Variants in MAPK8IP3 observed in about 807,000 individuals in gnomAD.
MAPK8IP3 encodes the protein C-Jun-amino-terminal kinase-interacting protein 3.
Under a neutral mutation model 157.8 loss-of-function variants are expected in MAPK8IP3, and 49 were observed. That is an observed-to-expected ratio of 0.31 (90% CI 0.25 to 0.39). The LOEUF is 0.39. Ranked by LOEUF, MAPK8IP3 falls within the 10% of genes least tolerant of loss-of-function variation. The pLI is 1.00. For missense variants in MAPK8IP3, 1,478 were observed against 1,889.4 expected (o/e 0.78, Z 4.04); for synonymous variants, 897 against 777.7 (o/e 1.15, Z -2.55).
chr16:1,767,409 GTACCACCTA>G, intron 26 of MAPK8IP3, 112 bp downstream of exon 26: 1 of 1,517,774 alleles, frequency 6.6e-7, no homozygotes, highest in Non-Finnish European at 9.0e-7. Context: ...CATCTCCCCT[GTACCACCTA>G]TGACTCAGGC....
At chr16:1,729,628 G>T (rs766040063) in intron 4 of MAPK8IP3, 50 bp downstream of exon 4, 2 of 1,520,124 alleles carry the variant, frequency 1.3e-6, no homozygotes, top group Non-Finnish European at 8.9e-7. Flanking sequence ...GCGGGGCGGA[G>T]GTACGCAGGA....
intron 6 of MAPK8IP3, 149 bp from the exon 7 acceptor site, chr16:1,748,095 C>T (rs1424525178): frequency 3.2e-6 from 2 of 630,556 alleles, no homozygotes; most frequent in African/African-American, 1.8e-5. Flanking sequence ...TCTGCCCAGT[C>T]AGCCTGGGAA....
chr16:1,746,943 G>A (rs1024275656), intron 5 of MAPK8IP3, 86 bp from the exon 6 acceptor site: 3 of 1,477,874 alleles, frequency 2.0e-6, no homozygotes, highest in African/African-American at 2.8e-5. Context: ...AAGCATTGGT[G>A]CGCGGGGCCT....
chr16:1,762,641 A>G, intron 14 of MAPK8IP3, 34 bp from the exon 15 acceptor site: 4 of 1,542,004 alleles, frequency 2.6e-6, no homozygotes, highest in Non-Finnish European at 3.5e-6. Flanking sequence ...GCGTGAGGGC[A>G]CTAGCAGGTT....
chr16:1,739,163 A>C (rs1258633428), intron 4 of MAPK8IP3, among the ~76,000 whole-genome samples: 1 of 77,144 alleles, frequency 1.3e-5, no homozygotes, highest in African/African-American at 4.7e-5. Flanking sequence ...CATCCGTGTG[A>C]GTGTGACCAT....
intron 5 of MAPK8IP3, 54 bp from the exon 6 acceptor site, chr16:1,746,959 AGCCACGGCGGAGCCGC>A (rs2041001739): frequency 6.5e-7 from 1 of 1,550,106 alleles, no homozygotes; most frequent in Non-Finnish European, 8.7e-7. Flanking sequence ...GGCCTCAGGC[AGCCACGGCGGAGCCGC>A]AGGCCAGGGA....
In MAPK8IP3 at chr16:1,761,248, C is replaced by T; in HGVS notation, c.1482C>T (p.Ala494=). The T allele has an allele frequency of 6.2e-7, 1 of 1,613,828 alleles. No individual in the cohort carries two copies. Among genetic ancestry groups the T allele is most frequent in the East Asian group, 2.2e-5 (1 of 44,882 alleles). ...GAGTGAAGTCCGAGGCCATCATCGC[C>T]CGCCGTGAACCCAAAGAAGAGGCGG... ...LKRVKSEAII[A]RREPKEEAED... is the part of the protein sequence containing the mutation. Residue 494 remains alanine (A), a synonymous_variant, in exon 13 of 32, where the codon GCC becomes GCT. Coordinates refer to ENST00000610761, the MANE Select transcript of MAPK8IP3 (RefSeq NM_001318852.2).
chr16:1,760,419 G>A lies in MAPK8IP3; in HGVS notation c.1344G>A (p.Lys448=). 6.2e-7 allele frequency: 1 copy of A among 1,613,854 alleles called. No homozygotes were observed. The highest frequency in any genetic ancestry group is 8.5e-7 in the Non-Finnish European group (1 of 1,179,838). The change falls in exon 12 of 32, where the codon AAG becomes AAA. Residue 448 remains lysine, a synonymous_variant. Transcript: ENST00000610761. ...LNVVKNDLIA[K]VDQLSGEQEV... is the part of the protein sequence containing the mutation. ...TGGTGAAGAATGACCTGATTGCCAA[G>A]GTCGACCAGCTGTCCGGGGAGCAGG...
At chr16:1,739,187 CGT>C (rs1450845234) in intron 4 of MAPK8IP3, among the ~76,000 whole-genome samples, 3 of 68,414 alleles carry the variant, frequency 4.4e-5, no homozygotes, top group Non-Finnish European at 8.2e-5. Context: ...TGTGAGCATC[CGT>C]GTGACCGTCC....
intron 4 of MAPK8IP3, among the ~76,000 whole-genome samples, chr16:1,731,242 T>A (rs1052870161): frequency 2.0e-5 from 3 of 152,130 alleles, no homozygotes; most frequent in African/African-American, 7.2e-5. Context: ...GGCAGGAGAA[T>A]CACCTGAACC....
chr16:1,755,538 T>A (rs1380359270), intron 8 of MAPK8IP3, among the ~76,000 whole-genome samples: 1 of 151,014 alleles, frequency 6.6e-6, no homozygotes, highest in Non-Finnish European at 1.5e-5. Context: ...AATAAGAACG[T>A]CAACAAAGGA....
chr16:1,734,286 A>G (rs1373444764), intron 4 of MAPK8IP3, among the ~76,000 whole-genome samples: 1 of 152,174 alleles, frequency 6.6e-6, no homozygotes, highest in Non-Finnish European at 1.5e-5. Flanking sequence ...GGGGCGACAG[A>G]GGGGCAGGGC....
chr16:1,769,204 G>A lies in MAPK8IP3; in HGVS notation c.*380G>A, dbSNP rs1406224500. On this transcript the variant is annotated 3_prime_UTR_variant, in exon 32 of 32. Transcript: ENST00000610761. ...CTGGAGGAGGCAGGGGCTCCCCGCCGCCGAGGCTGCCTGCCCTGGGCCCAC... is the reference window on the plus strand; with the variant it reads ...CTGGAGGAGGCAGGGGCTCCCCGCCACCGAGGCTGCCTGCCCTGGGCCCAC... 4.4e-5 allele frequency: 11 copies of A among 248,784 alleles called. No individual in the cohort carries two copies. In the East Asian group the frequency reaches 4.6e-4, roughly 10 times the overall value. 15.4% of individuals were successfully genotyped at this position (248,784 alleles called of 1,614,324 possible). A position where few individuals can be genotyped will look rare whatever the true frequency, so the allele number is the denominator to read the frequency against.
chr16:1,767,476 C>T (rs1053408732), intron 26 of MAPK8IP3, 88 bp from the exon 27 acceptor site: 48 of 1,525,714 alleles, frequency 3.1e-5, no homozygotes, highest in Non-Finnish European at 3.8e-5. Flanking sequence ...GAGGGGACTG[C>T]AGGTGGCCCT....
chr16:1,761,322 C>G lies in MAPK8IP3; in HGVS notation c.1539+17C>G. ...ACAGAATCGGTACATCCACTCTTCA[C>G]TCTTCACATGCGGGGCGTCCACCAT... On this transcript the variant is annotated intron_variant, in intron 13 of 31. Transcript: ENST00000610761. 6.2e-7 allele frequency: 1 copy of G among 1,608,630 alleles called. No homozygotes were observed. The highest frequency in any genetic ancestry group is 8.5e-7 in the Non-Finnish European group (1 of 1,176,454).
rs1206908825 is a variant in MAPK8IP3 at position 1,743,692 on chromosome 16, T to A, written c.747+216T>A. 16 of 1,401,384 alleles carry A rather than the reference T, an allele frequency of 1.1e-5. No individual in the cohort carries two copies. Among genetic ancestry groups the A allele is most frequent in the Non-Finnish European group, 1.5e-5 (16 of 1,085,964 alleles). The allele number at this position is 1,401,384 out of a possible 1,614,324, so 86.8% of individuals were successfully genotyped here. A position where few individuals can be genotyped will look rare whatever the true frequency, so the allele number is the denominator to read the frequency against. ...GTGGCTGTGGCTGTTCCACGCGGCC[T>A]CGTGTCGGCACCTGCTAGTCCAGGC... On this transcript the variant is annotated intron_variant, in intron 5 of 31. Coordinates refer to ENST00000610761, the MANE Select transcript of MAPK8IP3 (RefSeq NM_001318852.2). The surrounding 1 kb of genome is among the most constrained non-coding windows in gnomAD (Gnocchi z 5.6).
chr16:1,718,000 C>T (rs1404094234), intron 1 of MAPK8IP3, among the ~76,000 whole-genome samples: 1 of 151,736 alleles, frequency 6.6e-6, no homozygotes, highest in South Asian at 2.1e-4. Context: ...TACAGGCGCC[C>T]GCCACCACAC....
chr16:1,762,597 C>A, intron 14 of MAPK8IP3, 78 bp from the exon 15 acceptor site: 1 of 1,549,436 alleles, frequency 6.5e-7, no homozygotes, highest in Non-Finnish European at 8.7e-7. Flanking sequence ...CTGGGTGCTT[C>A]CTGGCGGGAG....
chr16:1,725,249 G>A (rs1184098173), intron 2 of MAPK8IP3, among the ~76,000 whole-genome samples: 1 of 151,116 alleles, frequency 6.6e-6, no homozygotes, highest in African/African-American at 2.4e-5. Flanking sequence ...AATGTTTTAG[G>A]CCAGGCGTGA....
Sources: gnomAD v4.1 joint callset for allele counts (sites outside exome capture counted in the v4.1 genomes callset) on GRCh38, gnomAD v4.1.1 for gene constraint, Gnocchi (gnomAD v3.1) non-coding constraint, MANE v1.5 for transcripts, NCBI Gene and HGNC (gene_info 2026-07-23, HGNC 2026-07-21) for gene names.